The following PTPRK variants were observed in gnomAD, a reference collection of about 807,000 sequenced individuals.
The protein encoded by PTPRK is protein tyrosine phosphatase receptor type K, also known as receptor-type tyrosine-protein phosphatase kappa.
A neutral mutation model predicts 178.0 loss-of-function variants in PTPRK; 75 were observed. That is an observed-to-expected ratio of 0.42 (90% CI 0.35 to 0.51). The LOEUF is 0.51. PTPRK is among the 20% of genes least tolerant of loss of function. The probability of loss-of-function intolerance (pLI) is 0.02; values close to 1 mark genes in which losing one functional copy is unlikely to be tolerated. For missense variants in PTPRK, 1,441 were observed against 1,797.8 expected (o/e 0.80, Z 3.59); for synonymous variants, 637 against 620.6 (o/e 1.03, Z -0.39).
At chr6:128,319,632 C>T (rs1195831195) in intron 3 of PTPRK, among the ~76,000 whole-genome samples, 5 of 152,256 alleles carry the variant, frequency 3.3e-5, no homozygotes, top group Admixed American at 1.3e-4. Context: ...AATATAGAGA[C>T]ATCAGCACCT....
intron 1 of PTPRK, among the ~76,000 whole-genome samples, chr6:128,484,071 G>A (rs559008032): frequency 8.6e-5 from 13 of 151,972 alleles, no homozygotes; most frequent in African/African-American, 3.1e-4. Flanking sequence ...TGACCAAAGT[G>A]CCCTTCAAAT....
rs542460994 is a variant in PTPRK at position 128,390,136 on chromosome 6, T to C, written c.223+7430A>G. Among the ~76,000 whole-genome samples, 434 of 152,252 alleles carry C rather than the reference T, an allele frequency of 2.9e-3. 1 individual carries two copies. The highest frequency in any genetic ancestry group is 0.01 in the African/African-American group (420 of 41,574). ...TGAAATAAGCCCATAATTCTCATCCTAAAATACCTCACTGCAAACAAAGAC... is the reference window on the plus strand; with the variant it reads ...TGAAATAAGCCCATAATTCTCATCCCAAAATACCTCACTGCAAACAAAGAC... On this transcript the variant is annotated intron_variant, in intron 2 of 29. Coordinates refer to ENST00000368226, the MANE Select transcript of PTPRK (RefSeq NM_002844.4).
chr6:128,304,478 C>T (rs1251585069), intron 3 of PTPRK, among the ~76,000 whole-genome samples: 1 of 152,074 alleles, frequency 6.6e-6, no homozygotes, highest in African/African-American at 2.4e-5. Context: ...ATGCATAAAA[C>T]ATTTAAGTTT....
intron 13 of PTPRK, among the ~76,000 whole-genome samples, chr6:128,045,524 A>G (rs1013546058): frequency 6.6e-6 from 1 of 152,046 alleles, no homozygotes; most frequent in Admixed American, 6.6e-5. Flanking sequence ...CAAAGGCAGA[A>G]CTTCTATTCA....
At chr6:128,208,262 A>G (rs1807330926) in intron 6 of PTPRK, among the ~76,000 whole-genome samples, 1 of 151,662 alleles carries the variant, frequency 6.6e-6, no homozygotes, top group African/African-American at 2.4e-5. Flanking sequence ...ATTCTTTGAG[A>G]ATGAGAAATG....
chr6:128,211,398 A>G (rs1383512279), intron 6 of PTPRK, among the ~76,000 whole-genome samples: 1 of 152,122 alleles, frequency 6.6e-6, no homozygotes, highest in Non-Finnish European at 1.5e-5. Context: ...CTTGGTTTTA[A>G]TTCTTGTCAG....
In PTPRK at chr6:128,073,888, T is replaced by C. The variant is rs190676032; in HGVS notation, c.1883+4925A>G. 6.6e-5 allele frequency among the ~76,000 whole-genome samples: 10 copies of C among 152,220 alleles called. No individual in the cohort carries two copies. The East Asian group carries it at 1.5e-3, about 23-fold the overall frequency. On this transcript the variant is annotated intron_variant, in intron 11 of 29. Coordinates refer to ENST00000368226, the MANE Select transcript of PTPRK (RefSeq NM_002844.4). ...CTAGTTAAATTTCAAGATGGTTTTA[T>C]TTGGAATTCAAGTAAGCTCTAGGTC...
chr6:128,264,154 A>G (rs962399540), intron 3 of PTPRK, among the ~76,000 whole-genome samples: 4 of 152,212 alleles, frequency 2.6e-5, no homozygotes, highest in African/African-American at 9.6e-5. Context: ...ATGTAGGTCC[A>G]GTTAACGAAG....
At chr6:128,133,467 T>C (rs1794561846) in intron 7 of PTPRK, among the ~76,000 whole-genome samples, 1 of 152,186 alleles carries the variant, frequency 6.6e-6, no homozygotes, top group Non-Finnish European at 1.5e-5. Flanking sequence ...CCTTGAAATA[T>C]CCATATGAAG....
chr6:128,503,972 C>T (rs901560576), intron 1 of PTPRK, among the ~76,000 whole-genome samples: 2 of 151,886 alleles, frequency 1.3e-5, no homozygotes, highest in East Asian at 1.9e-4. Flanking sequence ...CAATGGTTCC[C>T]GCCCCAATAA....
At chr6:128,427,821 G>A (rs1424377334) in intron 1 of PTPRK, among the ~76,000 whole-genome samples, 3 of 152,102 alleles carry the variant, frequency 2.0e-5, no homozygotes, top group Non-Finnish European at 2.9e-5. Flanking sequence ...GGCCAGGTGC[G>A]GTGGCTCACG....
rs1554271860 is a variant in PTPRK at position 128,464,641 on chromosome 6, A to ATATATATATATATGTG, written c.100+55617_100+55618insCACATATATATATATA. On this transcript the variant is annotated intron_variant, in intron 1 of 29. Coordinates refer to ENST00000368226, the MANE Select transcript of PTPRK (RefSeq NM_002844.4). ...TATACATATATATATATATACACAT[A>ATATATATATATATGTG]TATATATATATATATATATATATAT... Among the ~76,000 whole-genome samples, 7 of 64,588 alleles carry ATATATATATATATGTG rather than the reference A, an allele frequency of 1.1e-4. No homozygotes were observed. In the East Asian group the frequency reaches 1.5e-3, roughly 14 times the overall value. 42.4% of individuals were successfully genotyped at this position (64,588 alleles called of 152,430 possible).
intron 6 of PTPRK, among the ~76,000 whole-genome samples, chr6:128,209,442 T>A (rs1439824939): frequency 6.6e-6 from 1 of 152,110 alleles, no homozygotes; most frequent in Non-Finnish European, 1.5e-5. Context: ...CCTTTACTTA[T>A]CTTCCACTAT....
chr6:128,174,516 T>C (rs1398884465), intron 7 of PTPRK, among the ~76,000 whole-genome samples: 2 of 151,914 alleles, frequency 1.3e-5, no homozygotes, highest in African/African-American at 4.8e-5. Flanking sequence ...TTTAAGTGCA[T>C]GTTCCTTTGT....
chr6:128,357,483 A>G (rs568256847), intron 2 of PTPRK, among the ~76,000 whole-genome samples: 1 of 152,288 alleles, frequency 6.6e-6, no homozygotes, highest in Admixed American at 6.5e-5. Flanking sequence ...GGAGAGAGAT[A>G]TGGGGAGGAG....
intron 7 of PTPRK, among the ~76,000 whole-genome samples, chr6:128,091,146 T>A (rs1786866642): frequency 6.6e-6 from 1 of 152,180 alleles, no homozygotes; most frequent in Admixed American, 6.5e-5. Flanking sequence ...AATCTTAGAT[T>A]ACAAAAATCT....
chr6:128,018,598 T>C (rs566359980), intron 13 of PTPRK, among the ~76,000 whole-genome samples: 27 of 152,154 alleles, frequency 1.8e-4, no homozygotes, highest in South Asian at 2.1e-4. Context: ...TCACTTCTTA[T>C]TGGTAAAATG....
intron 6 of PTPRK, among the ~76,000 whole-genome samples, chr6:128,197,868 T>A (rs1476056022): frequency 6.6e-6 from 1 of 152,090 alleles, no homozygotes; most frequent in African/African-American, 2.4e-5. Context: ...TCCCCTTCAA[T>A]CCAGAGAGAC....
chr6:128,136,750 G>A (rs919108103), intron 7 of PTPRK, among the ~76,000 whole-genome samples: 1 of 152,140 alleles, frequency 6.6e-6, no homozygotes, highest in Non-Finnish European at 1.5e-5. Flanking sequence ...CAAGGGTGGA[G>A]CTATACTTAA....
Sources: gnomAD v4.1 joint callset for allele counts (sites outside exome capture counted in the v4.1 genomes callset) on GRCh38, gnomAD v4.1.1 for gene constraint, MANE v1.5 for transcripts, NCBI Gene and HGNC (gene_info 2026-07-23, HGNC 2026-07-21) for gene names.